The following PTPRK variants were observed in gnomAD, a reference collection of about 807,000 sequenced individuals.
The protein encoded by PTPRK is receptor-type tyrosine-protein phosphatase kappa.
A neutral mutation model predicts 178.0 loss-of-function variants in PTPRK; 75 were observed. The ratio of observed to expected loss-of-function variants is 0.42; its 90% CI spans 0.35 to 0.51. PTPRK has a LOEUF of 0.51. PTPRK is among the 20% of genes least tolerant of loss of function. The probability of loss-of-function intolerance (pLI) is 0.02; values close to 1 mark genes in which losing one functional copy is unlikely to be tolerated. For missense variants in PTPRK, 1,441 were observed against 1,797.8 expected (o/e 0.80, Z 3.59); for synonymous variants, 637 against 620.6 (o/e 1.03, Z -0.39).
chr6:128,238,400 C>CTGG (rs1231894518), intron 5 of PTPRK, among the ~76,000 whole-genome samples: 1 of 151,804 alleles, frequency 6.6e-6, no homozygotes, highest in Admixed American at 6.6e-5. Context: ...CTCAGACCAG[C>CTGG]AGGGTCCAGA....
chr6:128,273,562 G>A (rs1043364899), intron 3 of PTPRK, among the ~76,000 whole-genome samples: 5 of 151,958 alleles, frequency 3.3e-5, no homozygotes, highest in African/African-American at 1.2e-4. Context: ...TTATGAACCC[G>A]AATCTCCAAA....
At position 128,005,126 on chromosome 6, in the gene PTPRK, G is replaced by A; in HGVS notation, c.2452C>T (p.Leu818Phe). The stretch of plus-strand genomic sequence containing the variant: ...TGTTGGTCCATGAAGGTGATGGAAA[G>A]AGGATCTTCTGCATGCAGAGTGCTC... ...DQSTLHAEDP[L>F]SITFMDQHNF... The change falls in exon 15 of 30, where the codon CTT becomes TTT. Residue 818 changes from leucine to phenylalanine, a missense_variant. Physicochemically the swap from Leu to Phe is conservative, Grantham distance 22. Coordinates refer to ENST00000368226, the MANE Select transcript of PTPRK (RefSeq NM_002844.4). 6.2e-7 allele frequency: 1 copy of A among 1,610,750 alleles called. No individual in the cohort carries two copies. Among genetic ancestry groups the A allele is most frequent in the Non-Finnish European group, 8.5e-7 (1 of 1,178,004 alleles).
At chr6:128,327,770 T>C (rs1008703484) in intron 2 of PTPRK, among the ~76,000 whole-genome samples, 3 of 152,144 alleles carry the variant, frequency 2.0e-5, no homozygotes, top group Admixed American at 6.5e-5. Context: ...TATAAGAAGA[T>C]AGAAACTTTA....
chr6:128,517,084 G>GCA (rs1049856949), intron 1 of PTPRK, among the ~76,000 whole-genome samples: 1 of 150,926 alleles, frequency 6.6e-6, no homozygotes, highest in Non-Finnish European at 1.5e-5. Flanking sequence ...ACACACACAT[G>GCA]CACACACACA....
At position 127,970,199 on chromosome 6, in the gene PTPRK, T is replaced by A. The variant is rs901413464; in HGVS notation, c.*28A>T. 48 of 1,574,398 alleles carry A rather than the reference T, an allele frequency of 3.0e-5. No individual in the cohort carries two copies. The highest frequency in any genetic ancestry group is 4.1e-5 in the Non-Finnish European group (47 of 1,148,880). On this transcript the variant is annotated 3_prime_UTR_variant, in exon 30 of 30. Transcript: ENST00000368226. The stretch of plus-strand genomic sequence containing the variant: ...CTCAATAGATGGACAGGTTTCTTCA[T>A]GGATGCACTTTAAAGAGTCTCACCC...
chr6:128,095,096 A>G (rs114768953), intron 7 of PTPRK, among the ~76,000 whole-genome samples: 2 of 144,894 alleles, frequency 1.4e-5, no homozygotes, highest in Non-Finnish European at 3.0e-5. Flanking sequence ...TTTTTCAGAT[A>G]AAAAAAAAAA....
rs201893435 is a variant in PTPRK, at chr6:128,261,216, T to C, written c.496-18614A>G. ...TGTTCAAACATATTAGATGATTCATTGTTGTATTTCTTTTGGTTCATATGA... is the reference window on the plus strand; with the variant it reads ...TGTTCAAACATATTAGATGATTCATCGTTGTATTTCTTTTGGTTCATATGA... On this transcript the variant is annotated intron_variant, in intron 3 of 29. Coordinates refer to ENST00000368226, the MANE Select transcript of PTPRK (RefSeq NM_002844.4). 2.7e-4 allele frequency among the ~76,000 whole-genome samples: 41 copies of C among 152,304 alleles called. No homozygotes were observed. The East Asian group carries it at 7.9e-3, about 29-fold the overall frequency.
chr6:127,983,782 A>G (rs576459719), intron 22 of PTPRK, among the ~76,000 whole-genome samples: 3 of 152,322 alleles, frequency 2.0e-5, no homozygotes, highest in African/African-American at 4.8e-5. Context: ...TCTGGCAACA[A>G]TGTGAGAATG....
intron 2 of PTPRK, among the ~76,000 whole-genome samples, chr6:128,388,762 G>A (rs1393206156): frequency 6.6e-6 from 1 of 152,094 alleles, no homozygotes; most frequent in African/African-American, 2.4e-5. Flanking sequence ...AGGCATTTTG[G>A]GAGAATTAAG....
intron 13 of PTPRK, among the ~76,000 whole-genome samples, chr6:128,021,226 A>G (rs1426139717): frequency 6.6e-6 from 1 of 152,202 alleles, no homozygotes; most frequent in Non-Finnish European, 1.5e-5. Flanking sequence ...TTCTCAAAGT[A>G]TCTAACAAAC....
intron 3 of PTPRK, among the ~76,000 whole-genome samples, chr6:128,299,813 A>G (rs944379590): frequency 6.6e-6 from 1 of 152,090 alleles, no homozygotes; most frequent in African/African-American, 2.4e-5. Flanking sequence ...TAGGCATGGG[A>G]AAGGACTTCA....
chr6:128,125,611 T>C (rs1309295967), intron 7 of PTPRK, among the ~76,000 whole-genome samples: 1 of 132,334 alleles, frequency 7.6e-6, no homozygotes, highest in African/African-American at 2.8e-5. Context: ...TCTTTTTTTT[T>C]TTTTTTTTTT....
chr6:127,995,788 T>C, intron 17 of PTPRK, among the ~76,000 whole-genome samples: 1 of 152,138 alleles, frequency 6.6e-6, no homozygotes, highest in Non-Finnish European at 1.5e-5. Flanking sequence ...AATTGTCTGG[T>C]AAGTAATCAT....
At chr6:128,171,551 T>C (rs765776295) in intron 7 of PTPRK, among the ~76,000 whole-genome samples, 2 of 152,040 alleles carry the variant, frequency 1.3e-5, no homozygotes, top group Non-Finnish European at 2.9e-5. Context: ...ACATATACAA[T>C]ATTCCTCACT....
rs142352730 is a variant in PTPRK, at chr6:128,150,381, A to T, written c.1162+34051T>A. Among the ~76,000 whole-genome samples the T allele has an allele frequency of 4.8e-3, 725 of 152,284 alleles. 2 individuals are homozygous for T. The highest frequency in any genetic ancestry group is 0.017 in the African/African-American group (703 of 41,564). ...TTCAAGAGAGGAGGTATATAACTCT[A>T]CCATTGTTTATGAAACAAACAAGTA... is the stretch of plus-strand genomic sequence containing the variant. On this transcript the variant is annotated intron_variant, in intron 7 of 29. Transcript: ENST00000368226.
chr6:128,461,257 T>TGA (rs1478438134), intron 1 of PTPRK, among the ~76,000 whole-genome samples: 1 of 151,984 alleles, frequency 6.6e-6, no homozygotes, highest in African/African-American at 2.4e-5. Flanking sequence ...TGTGTGTGTG[T>TGA]GAAATCCAGA....
chr6:128,028,542 C>G (rs761438938), intron 13 of PTPRK, among the ~76,000 whole-genome samples: 2 of 152,200 alleles, frequency 1.3e-5, no homozygotes, highest in African/African-American at 4.8e-5. Flanking sequence ...CAAACCTCTG[C>G]CCATGCTGTT....
intron 6 of PTPRK, among the ~76,000 whole-genome samples, chr6:128,199,945 C>T (rs1805613244): frequency 6.6e-6 from 1 of 152,152 alleles, no homozygotes; most frequent in African/African-American, 2.4e-5. Flanking sequence ...TGAGATGGAT[C>T]AAGTATAGGT....
chr6:128,463,497 C>T (rs904840955), intron 1 of PTPRK, among the ~76,000 whole-genome samples: 5 of 152,062 alleles, frequency 3.3e-5, no homozygotes, highest in African/African-American at 9.7e-5. Flanking sequence ...CACCTTGATG[C>T]CACATCTATC....
Sources: gnomAD v4.1 joint callset for allele counts (sites outside exome capture counted in the v4.1 genomes callset) on GRCh38, gnomAD v4.1.1 for gene constraint, MANE v1.5 for transcripts, NCBI Gene and HGNC (gene_info 2026-07-23, HGNC 2026-07-21) for gene names.